KMT2A: variants seen among roughly 807,000 people sequenced by gnomAD.
The protein encoded by KMT2A is histone-lysine N-methyltransferase 2A.
In KMT2A, 16 loss-of-function variants were observed where a neutral mutation model predicts 345.3. That is an observed-to-expected ratio of 0.05 (90% CI 0.03 to 0.07). KMT2A has a LOEUF of 0.07. Ranked by LOEUF, KMT2A falls within the 10% of genes least tolerant of loss-of-function variation. The probability of loss-of-function intolerance (pLI) is 1.00; values close to 1 mark genes in which losing one functional copy is unlikely to be tolerated. For missense variants in KMT2A, 3,272 were observed against 4,841.6 expected, an observed-to-expected ratio of 0.68 and a Z score of 9.62; for synonymous variants, 1,599 against 1,778.6, an observed-to-expected ratio of 0.90 and a Z score of 2.54.
intron 1 of KMT2A, among the ~76,000 whole-genome samples, chr11:118,465,564 T>C (rs1555033939): frequency 6.6e-6 from 1 of 152,162 alleles, no homozygotes; most frequent in African/African-American, 2.4e-5. Context: ...AATTGAGGGA[T>C]AGATACAGTA....
In KMT2A at chr11:118,507,583, C is replaced by G; in HGVS notation, c.10809C>G (p.Ser3603=). 7 of 1,614,108 alleles carry G rather than the reference C, an allele frequency of 4.3e-6. No homozygotes were observed. The highest frequency in any genetic ancestry group is 5.9e-6 in the Non-Finnish European group (7 of 1,179,962). Residue 3603 remains serine (S), a synonymous_variant, in exon 28 of 36, where the codon TCC becomes TCG. Coordinates refer to ENST00000534358, the MANE Select transcript of KMT2A (RefSeq NM_001197104.2). ...ATACAGCTAGCGTGGAGCAGTCCTC[C>G]CAGAAGGAGTGTGGGCAACCTGCAG... The part of the protein sequence containing the change: ...QQDTASVEQS[S]QKECGQPAGQ...
chr11:118,514,871 A>AG (rs1950776130), intron 31 of KMT2A, among the ~76,000 whole-genome samples: 1 of 151,800 alleles, frequency 6.6e-6, no homozygotes, highest in African/African-American at 2.4e-5. Context: ...GACCTCAGGT[A>AG]ATCTGCCCGC....
intron 1 of KMT2A, among the ~76,000 whole-genome samples, chr11:118,462,486 AAATC>A (rs1235177204): frequency 2.0e-5 from 3 of 152,182 alleles, no homozygotes; most frequent in African/African-American, 7.2e-5. Flanking sequence ...ATGCTTCAAG[AAATC>A]AATCAATATT....
At chr11:118,463,124 A>C (rs182965863) in intron 1 of KMT2A, among the ~76,000 whole-genome samples, 1 of 146,532 alleles carries the variant, frequency 6.8e-6, no homozygotes. Context: ...ATTTATCTTT[A>C]TTTTTTTTTT....
intron 31 of KMT2A, among the ~76,000 whole-genome samples, chr11:118,518,072 C>T (rs540885998): frequency 5.3e-5 from 8 of 152,232 alleles, no homozygotes; most frequent in African/African-American, 1.9e-4. Context: ...AATTGCAGTC[C>T]TAATACAATT....
chr11:118,441,588 A>T (rs1403547239), intron 1 of KMT2A, among the ~76,000 whole-genome samples: 5 of 152,174 alleles, frequency 3.3e-5, no homozygotes, highest in Non-Finnish European at 7.4e-5. Context: ...AGGTGTATGA[A>T]TTTTGAATGA....
At chr11:118,455,082 C>T (rs1368221366) in intron 1 of KMT2A, among the ~76,000 whole-genome samples, 1 of 152,196 alleles carries the variant, frequency 6.6e-6, no homozygotes, top group Non-Finnish European at 1.5e-5. Flanking sequence ...GGTTGGAGCG[C>T]AGTGGCTCAG....
chr11:118,470,343 C>T (rs1949922127), intron 2 of KMT2A, among the ~76,000 whole-genome samples: 1 of 152,116 alleles, frequency 6.6e-6, no homozygotes, highest in South Asian at 2.1e-4. Context: ...CTCACTCTGT[C>T]ACCCAGGCTC....
Position 118,505,301 on chromosome 11 carries a change from G to A in KMT2A, c.9409G>A (p.Gly3137Arg), listed in dbSNP as rs782373344. The A allele has an allele frequency of 2.7e-5, 43 of 1,614,058 alleles. No homozygotes were observed. Among genetic ancestry groups the A allele is most frequent in the Non-Finnish European group, 3.2e-5 (38 of 1,180,038 alleles). ...PMGGGLTLTT[G>R]LNPSLPTSQS... ...GGGAGGTGGTCTCACCCTTACCACA[G>A]GACTAAATCCAAGCTTGCCAACTTC... is the stretch of plus-strand genomic sequence containing the variant. The change falls in exon 27 of 36, where the codon GGA (glycine) becomes AGA (arginine). Residue 3137 changes from glycine to arginine, a missense_variant. Physicochemically the swap from Gly to Arg is moderately radical, Grantham distance 125 (BLOSUM62 -2). Coordinates refer to ENST00000534358, the MANE Select transcript of KMT2A (RefSeq NM_001197104.2). This position sits in a 1 kb window ranked among gnomAD's most constrained non-coding sequence, Gnocchi z 4.6.
chr11:118,477,066 C>T, intron 4 of KMT2A, 84 bp downstream of exon 4: 1 of 1,321,218 alleles, frequency 7.6e-7, no homozygotes, highest in Non-Finnish European at 1.1e-6. Context: ...GTAGGCTCTT[C>T]ATAGTTAGTA....
rs1555048493 is a variant in KMT2A, at chr11:118,506,489, G to T, written c.10597G>T (p.Val3533Leu). The T allele has an allele frequency of 6.2e-7, 1 of 1,614,228 alleles. No homozygotes were observed. Among genetic ancestry groups the T allele is most frequent in the East Asian group, 2.2e-5 (1 of 44,886 alleles). The change falls in exon 27 of 36, where the codon GTG becomes TTG. Residue 3533 changes from valine (V) to leucine (L), a missense_variant. Coordinates refer to ENST00000534358, the MANE Select transcript of KMT2A (RefSeq NM_001197104.2). ...TGGACAGCGGTCAGCAAGCCCTTCA[G>T]TGCCGGGTCCCACTAAACCCAAACC... is the stretch of plus-strand genomic sequence containing the variant. ...SSGQRSASPS[V>L]PGPTKPKPKT...
At chr11:118,511,034 G>A (rs1320858510) in intron 30 of KMT2A, among the ~76,000 whole-genome samples, 1 of 152,102 alleles carries the variant, frequency 6.6e-6, no homozygotes, top group Non-Finnish European at 1.5e-5. Flanking sequence ...AATTGGGAAG[G>A]TGGATAGGGC....
At position 118,505,877 on chromosome 11, in the gene KMT2A, C is replaced by A. The variant is rs1555048045; in HGVS notation, c.9985C>A (p.Leu3329Ile). 6.2e-7 allele frequency: 1 copy of A among 1,614,084 alleles called. No individual in the cohort carries two copies. The highest frequency in any genetic ancestry group is 1.3e-5 in the African/African-American group (1 of 74,930). ...TSTISQDTSHLTSGSVSGLAS... is the reference protein window; with the variant it reads ...TSTISQDTSHITSGSVSGLAS... ...AACAATAAGCCAGGATACTAGCCAC[C>A]TCACATCAGGGTCTGTGTCTGGCTT... Residue 3329 changes from leucine to isoleucine, a missense_variant, in exon 27 of 36, where the codon CTC becomes ATC. This residue lies in a region of KMT2A where 748 missense variants were observed against 922.2 expected (regional missense o/e 0.81). Coordinates refer to ENST00000534358, the MANE Select transcript of KMT2A (RefSeq NM_001197104.2). This position sits in a 1 kb window ranked among gnomAD's most constrained non-coding sequence, Gnocchi z 4.6.
intron 24 of KMT2A, 111 bp from the exon 25 acceptor site, chr11:118,500,876 C>T (rs2134377935): frequency 1.4e-6 from 1 of 735,980 alleles, no homozygotes; most frequent in East Asian, 2.6e-5. Flanking sequence ...TAAAGCTAAA[C>T]TCTGTAATTA....
In KMT2A at chr11:118,504,341, A is replaced by T; in HGVS notation, c.8449A>T (p.Thr2817Ser). The change falls in exon 27 of 36, where the codon ACC (threonine) becomes TCC (serine). Residue 2817 changes from threonine to serine, a missense_variant. Thr to Ser is a moderately conservative substitution (Grantham distance 58). Transcript: ENST00000534358. The surrounding 1 kb of genome is among the most constrained non-coding windows in gnomAD (Gnocchi z 6.4). ...GTCAAGCCGCAGAGTCCACACAAGT[A>T]CCCCCTCCGACAAAAATTTACTGGA... ...LESSRRVHTS[T>S]PSDKNLLDTY... is the part of the protein sequence containing the mutation. The T allele has an allele frequency of 6.2e-7, 1 of 1,614,076 alleles. No individual in the cohort carries two copies. Among genetic ancestry groups the T allele is most frequent in the Non-Finnish European group, 8.5e-7 (1 of 1,180,004 alleles).
In KMT2A at chr11:118,474,144, A is replaced by T. The variant is rs782715103; in HGVS notation, c.2985A>T (p.Ser995=). Residue 995 remains serine, a synonymous_variant, in exon 3 of 36, where the codon TCA becomes TCT. Transcript: ENST00000534358. ...KEKTLCLSTP[S]SSTVKHSTSS... Reference sequence around the variant, plus strand: ...AAACCCTCTGCCTTTCCACTCCTTCATCTAGCACTGTTAAACATTCCACTT... The same window carrying T: ...AAACCCTCTGCCTTTCCACTCCTTCTTCTAGCACTGTTAAACATTCCACTT... 1.7e-5 allele frequency: 27 copies of T among 1,614,068 alleles called. No individual in the cohort carries two copies. The highest frequency in any genetic ancestry group is 2.1e-5 in the Non-Finnish European group (25 of 1,180,018).
At chr11:118,437,568 C>T (rs1465325426) in intron 1 of KMT2A, among the ~76,000 whole-genome samples, 3 of 147,348 alleles carry the variant, frequency 2.0e-5, no homozygotes, top group African/African-American at 7.5e-5. Context: ...GACCGATCCT[C>T]CCCCATCCCG....
Position 118,476,349 on chromosome 11 carries a change from ATAG to A in KMT2A, c.3157-450_3157-448del, listed in dbSNP as rs1236094636. 1.3e-5 allele frequency among the ~76,000 whole-genome samples: 2 copies of A among 152,188 alleles called. No homozygotes were observed. Among genetic ancestry groups the A allele is most frequent in the Non-Finnish European group, 2.9e-5 (2 of 68,036 alleles). On this transcript the variant is annotated intron_variant, in intron 3 of 35. Transcript: ENST00000534358. The surrounding 1 kb of genome is among the most constrained non-coding windows in gnomAD (Gnocchi z 4.1). Reference sequence around the variant, plus strand: ...GCTTGAATTTTGAGGGGAATTTAAAATAGTAGTATAATTGGGAATAGAAGCTTA... The same window carrying A: ...GCTTGAATTTTGAGGGGAATTTAAAATAGTATAATTGGGAATAGAAGCTTA...
intron 1 of KMT2A, among the ~76,000 whole-genome samples, chr11:118,458,721 A>T (rs1377475711): frequency 1.3e-5 from 2 of 152,230 alleles, no homozygotes; most frequent in Non-Finnish European, 2.9e-5. Context: ...GGTATTTTGA[A>T]GCTTGTAGCA....
Sources: allele counts gnomAD v4.1 joint callset (sites outside exome capture counted in the v4.1 genomes callset), GRCh38; gene constraint gnomAD v4.1.1; regional missense constraint gnomAD v4.1.1; non-coding constraint Gnocchi (gnomAD v3.1); transcripts MANE v1.5; gene names NCBI Gene and HGNC (gene_info 2026-07-23, HGNC 2026-07-21).